DCC: variants seen among roughly 807,000 people sequenced by gnomAD.
DCC encodes the protein DCC netrin 1 receptor, also known as netrin receptor DCC.
DCC carries 58 observed loss-of-function variants against 172.5 expected under a neutral mutation model. The observed-to-expected ratio is 0.34, with a 90% CI of 0.27 to 0.42. The LOEUF (loss-of-function observed/expected upper bound fraction) is 0.42. Ranked by LOEUF, DCC falls within the 10% of genes least tolerant of loss-of-function variation. The pLI, the probability that DCC is intolerant of heterozygous loss-of-function variation, is 1.00. For missense variants in DCC, 1,740 were observed against 1,791.0 expected, an observed-to-expected ratio of 0.97 and a Z score of 0.51; for synonymous variants, 709 against 644.5, an observed-to-expected ratio of 1.10 and a Z score of -1.52.
At chr18:52,989,817 A>G (rs1481186670) in intron 5 of DCC, among the ~76,000 whole-genome samples, 1 of 152,176 alleles carries the variant, frequency 6.6e-6, no homozygotes, top group East Asian at 1.9e-4. Context: ...GGACTGGAGT[A>G]GCAGAAAGCA....
At chr18:52,578,042 C>T (rs938153939) in intron 1 of DCC, among the ~76,000 whole-genome samples, 6 of 152,196 alleles carry the variant, frequency 3.9e-5, no homozygotes, top group Non-Finnish European at 8.8e-5. Context: ...GAGGATTATT[C>T]TTCACACACA....
intron 5 of DCC, among the ~76,000 whole-genome samples, chr18:53,036,775 G>T (rs1222826512): frequency 6.6e-6 from 1 of 151,982 alleles, no homozygotes; most frequent in Non-Finnish European, 1.5e-5. Flanking sequence ...AATGGAAAAG[G>T]AAGTGTTCAG....
intron 1 of DCC, among the ~76,000 whole-genome samples, chr18:52,729,329 G>A (rs985432748): frequency 2.1e-4 from 32 of 151,918 alleles, no homozygotes; most frequent in Admixed American, 6.6e-5. Context: ...GTGCAATCTC[G>A]GCTCATTGCA....
intron 5 of DCC, among the ~76,000 whole-genome samples, chr18:53,056,853 G>A (rs72915244): frequency 0.043 from 6,598 of 151,862 alleles, 287 homozygotes; most frequent in Admixed American, 0.13. Flanking sequence ...TCACCAGAGT[G>A]GTTTGTGCTG....
intron 22 of DCC, among the ~76,000 whole-genome samples, chr18:53,436,023 A>G (rs1911917988): frequency 6.6e-6 from 1 of 152,184 alleles, no homozygotes; most frequent in Non-Finnish European, 1.5e-5. Flanking sequence ...ACACTTGTAT[A>G]CCCATCAGCA....
intron 19 of DCC, among the ~76,000 whole-genome samples, chr18:53,407,275 C>T (rs1909716132): frequency 6.6e-6 from 1 of 151,678 alleles, no homozygotes; most frequent in African/African-American, 2.4e-5. Context: ...AAATGTAAAA[C>T]TTATGTACTT....
At chr18:53,300,307 G>C (rs368999662) in intron 12 of DCC, among the ~76,000 whole-genome samples, 1 of 152,076 alleles carries the variant, frequency 6.6e-6, no homozygotes, top group African/African-American at 2.4e-5. Context: ...AAATGTCCAC[G>C]TTCCCAGCTG....
Position 53,346,916 on chromosome 18 carries a change from T to C in DCC, c.2359+7009T>C, listed in dbSNP as rs187587336. 5.3e-5 allele frequency among the ~76,000 whole-genome samples: 8 copies of C among 152,312 alleles called. No individual in the cohort carries two copies. In the East Asian group the frequency reaches 1.5e-3, roughly 29 times the overall value. ...TACAATCCTTGAAAATTTTTTGATA[T>C]ATTGGTTTTAGAAGGCAATCAACAG... On this transcript the variant is annotated intron_variant, in intron 15 of 28. Coordinates refer to ENST00000442544, the MANE Select transcript of DCC (RefSeq NM_005215.4).
At chr18:53,033,003 T>A (rs2143966391) in intron 5 of DCC, among the ~76,000 whole-genome samples, 1 of 152,270 alleles carries the variant, frequency 6.6e-6, no homozygotes, top group East Asian at 1.9e-4. Context: ...AATTCTCTGC[T>A]TTAGTATGCT....
At chr18:52,539,916 A>T (rs1156564423) in intron 1 of DCC, among the ~76,000 whole-genome samples, 1 of 152,218 alleles carries the variant, frequency 6.6e-6, no homozygotes, top group Non-Finnish European at 1.5e-5. Context: ...AAAAACCCAC[A>T]AAATTTAGGT....
At chr18:52,435,840 T>TATC (rs751143501) in intron 1 of DCC, among the ~76,000 whole-genome samples, 109 of 152,312 alleles carry the variant, frequency 7.2e-4, no homozygotes, top group Non-Finnish European at 1.0e-3. Flanking sequence ...CATCAGTTTC[T>TATC]ATCTGTGAGT....
At chr18:53,448,754 G>T (rs1273314054) in intron 22 of DCC, among the ~76,000 whole-genome samples, 1 of 152,280 alleles carries the variant, frequency 6.6e-6, no homozygotes, top group East Asian at 1.9e-4. Context: ...TTGGGAGGCT[G>T]AGGCAAGAGA....
intron 2 of DCC, among the ~76,000 whole-genome samples, chr18:52,759,817 C>T (rs1254685317): frequency 6.6e-6 from 1 of 152,056 alleles, no homozygotes; most frequent in African/African-American, 2.4e-5. Context: ...AAGAAAAAAG[C>T]ATAACAAATT....
chr18:52,610,324 G>A (rs2034248097), intron 1 of DCC, among the ~76,000 whole-genome samples: 1 of 113,418 alleles, frequency 8.8e-6, no homozygotes, highest in Non-Finnish European at 1.7e-5. Flanking sequence ...AGTTTGCAGT[G>A]AGCCGAGATG....
rs112793693 is a variant in DCC, at chr18:52,970,934, C to T, written c.985+45564C>T. ...ATCTTCATAACTCTGGCTCCTAAAACTAATGTTGTGAAGCTTCAGTTCTTT... is the reference window on the plus strand; with the variant it reads ...ATCTTCATAACTCTGGCTCCTAAAATTAATGTTGTGAAGCTTCAGTTCTTT... On this transcript the variant is annotated intron_variant, in intron 5 of 28. Coordinates refer to ENST00000442544, the MANE Select transcript of DCC (RefSeq NM_005215.4). Among the ~76,000 whole-genome samples, 974 of 152,210 alleles carry T rather than the reference C, an allele frequency of 6.4e-3. 12 individuals carry two copies. Among genetic ancestry groups the T allele is most frequent in the African/African-American group, 0.021 (878 of 41,532 alleles).
intron 1 of DCC, among the ~76,000 whole-genome samples, chr18:52,503,936 G>C (rs745468459): frequency 6.6e-6 from 1 of 152,086 alleles, no homozygotes; most frequent in Non-Finnish European, 1.5e-5. Context: ...GGGAAATAGA[G>C]AACTCTTTAG....
At chr18:53,123,880 C>A (rs2043518379) in intron 7 of DCC, among the ~76,000 whole-genome samples, 1 of 152,000 alleles carries the variant, frequency 6.6e-6, no homozygotes, top group Non-Finnish European at 1.5e-5. Context: ...GGAATTAAGT[C>A]CTGAGTAATC....
chr18:53,486,952 A>C lies in DCC; in HGVS notation c.3892A>C (p.Ser1298Arg). The change falls in exon 26 of 29, where the codon AGT becomes CGT. Residue 1298 changes from serine to arginine, a missense_variant. Ser to Arg is a moderately radical substitution (Grantham distance 110). This residue lies in a region of DCC where 1,732 missense variants were observed against 1,767.4 expected (regional missense o/e 0.98). Coordinates refer to ENST00000442544, the MANE Select transcript of DCC (RefSeq NM_005215.4). Reference sequence around the variant, plus strand: ...GGACCGAGGTTTCGGAGCAGGAAGAAGTCAGTGTAATGCATTTTCCTCTCT... The same window carrying C: ...GGACCGAGGTTTCGGAGCAGGAAGACGTCAGTGTAATGCATTTTCCTCTCT... Reference protein sequence around the residue: ...SVDRGFGAGRSQSVSEGPTTQ... With the variant: ...SVDRGFGAGRRQSVSEGPTTQ... 6.2e-7 allele frequency: 1 copy of C among 1,614,170 alleles called. No homozygotes were observed. The highest frequency in any genetic ancestry group is 2.2e-5 in the East Asian group (1 of 44,874).
chr18:53,515,291 A>G (rs897638155), intron 27 of DCC, among the ~76,000 whole-genome samples: 4 of 151,638 alleles, frequency 2.6e-5, no homozygotes, highest in Non-Finnish European at 5.9e-5. Flanking sequence ...TATTGATGGG[A>G]CGTATTTCCA....
Sources: allele counts gnomAD v4.1 joint callset (sites outside exome capture counted in the v4.1 genomes callset), GRCh38; gene constraint gnomAD v4.1.1; regional missense constraint gnomAD v4.1.1; transcripts MANE v1.5; gene names NCBI Gene and HGNC (gene_info 2026-07-23, HGNC 2026-07-21).